Variants in RYK observed in about 807,000 individuals in gnomAD.
The protein encoded by RYK is inactive tyrosine-protein kinase RYK.
A neutral mutation model predicts 70.2 loss-of-function variants in RYK; 21 were observed. The observed-to-expected ratio is 0.30, with a 90% CI of 0.21 to 0.43. The LOEUF is 0.43. Ranked by LOEUF, RYK falls within the 20% of genes least tolerant of loss-of-function variation. The pLI is 1.00. For missense variants in RYK, 604 were observed against 753.3 expected, an observed-to-expected ratio of 0.80 and a Z score of 2.32; for synonymous variants, 267 against 278.0, an observed-to-expected ratio of 0.96 and a Z score of 0.39.
chr3:134,224,766 G>A (rs1026005254), intron 1 of RYK, among the ~76,000 whole-genome samples: 1 of 152,196 alleles, frequency 6.6e-6, no homozygotes, highest in Admixed American at 6.5e-5. Flanking sequence ...GCTTGACAGA[G>A]GGCTCACACT....
Position 134,222,456 on chromosome 3 carries a change from T to C in RYK, c.316A>G (p.Thr106Ala). The C allele has an allele frequency of 6.2e-7, 1 of 1,613,544 alleles. No individual in the cohort carries two copies. The highest frequency in any genetic ancestry group is 8.5e-7 in the Non-Finnish European group (1 of 1,179,738). Residue 106 changes from threonine (T) to alanine (A), a missense_variant, in exon 2 of 15, where the codon ACA becomes GCA. Thr to Ala is a moderately conservative substitution (Grantham distance 58). Around this residue, in one of 2 missense-constraint regions of RYK, gnomAD observed 466 missense variants for 535.9 expected, o/e 0.87. Transcript: ENST00000623711. ...TGCCAGGTGAAGTGCAGGAAATTTG[T>C]CTCACTGGGTACTAACAGACTAAAG... ...LSFSLLVPSETNFLHFTWHAK... is the reference protein window; with the variant it reads ...LSFSLLVPSEANFLHFTWHAK...
chr3:134,191,818 C>A, intron 8 of RYK, 31 bp downstream of exon 8: 1 of 1,574,638 alleles, frequency 6.4e-7, no homozygotes, highest in Non-Finnish European at 8.6e-7. Flanking sequence ...TTAAATCATA[C>A]TTAAAAAACC....
At chr3:134,181,493 T>A (rs2013293422) in intron 10 of RYK, 1 of 152,232 alleles carries the variant, frequency 6.6e-6, no homozygotes, top group African/African-American at 2.4e-5. Context: ...TTTATCTTAC[T>A]GTGGCTGCCT....
intron 4 of RYK, among the ~76,000 whole-genome samples, chr3:134,208,217 C>T (rs556247892): frequency 6.6e-6 from 1 of 152,130 alleles, no homozygotes; most frequent in East Asian, 1.9e-4. Flanking sequence ...TGATCATTAA[C>T]CTTAGCAGAT....
intron 1 of RYK, among the ~76,000 whole-genome samples, chr3:134,230,959 T>TA (rs1355292346): frequency 2.1e-4 from 32 of 152,132 alleles, no homozygotes; most frequent in Non-Finnish European, 4.0e-4. Context: ...TAGAAAAAAT[T>TA]AATCTTAAGT....
intron 1 of RYK, among the ~76,000 whole-genome samples, chr3:134,235,861 GGGT>G (rs2015186200): frequency 6.6e-6 from 1 of 152,112 alleles, no homozygotes; most frequent in Non-Finnish European, 1.5e-5. Context: ...GCCAGGAGCA[GGGT>G]AACTCTTTAT....
intron 1 of RYK, among the ~76,000 whole-genome samples, chr3:134,237,567 T>A (rs1008576903): frequency 2.0e-5 from 3 of 152,164 alleles, no homozygotes; most frequent in Non-Finnish European, 4.4e-5. Flanking sequence ...AAAACAAAAG[T>A]GATGTCATAG....
At chr3:134,211,681 T>C (rs893105653) in intron 2 of RYK, 74 bp from the exon 3 acceptor site, 11 of 963,010 alleles carry the variant, frequency 1.1e-5, no homozygotes, top group Middle Eastern at 4.2e-4. Flanking sequence ...ACTTCATTAA[T>C]TGGCTCATTA....
chr3:134,220,116 T>C (rs2014692362), intron 2 of RYK, among the ~76,000 whole-genome samples: 1 of 152,132 alleles, frequency 6.6e-6, no homozygotes, highest in African/African-American at 2.4e-5. Flanking sequence ...AATCTAATCA[T>C]GAAGAAACCT....
At chr3:134,210,030 A>G (rs2014340192) in intron 3 of RYK, among the ~76,000 whole-genome samples, 1 of 152,244 alleles carries the variant, frequency 6.6e-6, no homozygotes, top group Non-Finnish European at 1.5e-5. Flanking sequence ...CATTTAATTC[A>G]TTATGGATAT....
chr3:134,202,205 C>T (rs1032225439), intron 6 of RYK, among the ~76,000 whole-genome samples: 1 of 152,302 alleles, frequency 6.6e-6, no homozygotes, highest in Admixed American at 6.5e-5. Flanking sequence ...ATGAAAAATA[C>T]TGATCCCCAA....
At chr3:134,179,750 C>G (rs1272276529) in intron 10 of RYK, 1 of 152,194 alleles carries the variant, frequency 6.6e-6, no homozygotes, top group Non-Finnish European at 1.5e-5. Context: ...CTTGGGCATA[C>G]CATTAAACAC....
chr3:134,204,356 G>A (rs1006149193), intron 5 of RYK, among the ~76,000 whole-genome samples: 19 of 151,572 alleles, frequency 1.3e-4, no homozygotes, highest in African/African-American at 3.9e-4. Context: ...AAAATTAGCC[G>A]TGTATGGTGG....
rs2015593005 is a variant in RYK, at chr3:134,250,605, C to T, written c.50G>A (p.Gly17Glu). The change falls in exon 1 of 15, where the codon GGG (glycine) becomes GAG (glutamate). Residue 17 changes from glycine to glutamate, a missense_variant. By Grantham distance (98) the Gly-to-Glu change is moderately conservative. This residue lies in a region of RYK where 466 missense variants were observed against 535.9 expected (regional missense o/e 0.87). Transcript: ENST00000623711. ...CGGCGGGGCCCTCAGGCCGCGGGCC[C>T]CCGGGAGGCAACTCCGGCCCGGCCG... ...LGRPGRSCLP[G>E]ARGLRAPPPP... The T allele has an allele frequency of 1.9e-6, 2 of 1,051,236 alleles. No individual in the cohort carries two copies. The highest frequency in any genetic ancestry group is 1.1e-6 in the Non-Finnish European group (1 of 870,080). The allele number at this position is 1,051,236 out of a possible 1,614,324, so 65.1% of individuals were successfully genotyped here.
At chr3:134,245,531 A>G (rs368670748) in intron 1 of RYK, among the ~76,000 whole-genome samples, 2 of 152,110 alleles carry the variant, frequency 1.3e-5, no homozygotes, top group African/African-American at 2.4e-5. Flanking sequence ...TGAGGCACCA[A>G]GGAGATGCCA....
chr3:134,173,615 TAG>T lies in RYK; in HGVS notation c.1575+1992_1575+1993del, dbSNP rs2012998865. ...AAGCATCAGATCTCGTGAGACTCAC[TAG>T]AACAGCATGGGGGAACCTGCCCCCC... On this transcript the variant is annotated intron_variant, in intron 13 of 14. Coordinates refer to ENST00000623711, the MANE Select transcript of RYK (RefSeq NM_002958.4). 3.3e-5 allele frequency among the ~76,000 whole-genome samples: 5 copies of T among 152,108 alleles called. No homozygotes were observed. In the South Asian group the frequency reaches 1.0e-3, roughly 32 times the overall value.
intron 6 of RYK, among the ~76,000 whole-genome samples, chr3:134,196,550 G>A (rs1264911954): frequency 6.7e-6 from 1 of 149,206 alleles, no homozygotes; most frequent in African/African-American, 2.5e-5. Context: ...CGCCAGCCTG[G>A]GCAACATAGT....
chr3:134,186,945 C>G (rs2013485366), intron 9 of RYK, among the ~76,000 whole-genome samples: 1 of 151,956 alleles, frequency 6.6e-6, no homozygotes, highest in Non-Finnish European at 1.5e-5. Context: ...CCTTATAGTT[C>G]AAATTTTACA....
At chr3:134,236,904 T>G (rs2015211802) in intron 1 of RYK, among the ~76,000 whole-genome samples, 2 of 152,174 alleles carry the variant, frequency 1.3e-5, no homozygotes, top group African/African-American at 4.8e-5. Flanking sequence ...AATTTTTAAA[T>G]TCTGATTTAG....
Sources: gnomAD v4.1 joint callset for allele counts (sites outside exome capture counted in the v4.1 genomes callset) on GRCh38, gnomAD v4.1.1 for gene constraint, gnomAD v4.1.1 regional missense constraint, MANE v1.5 for transcripts, NCBI Gene and HGNC (gene_info 2026-07-23, HGNC 2026-07-21) for gene names.